CLMN: variants seen among roughly 807,000 people sequenced by gnomAD.
The protein encoded by CLMN is calmin.
A neutral mutation model predicts 92.7 loss-of-function variants in CLMN; 57 were observed. That is an observed-to-expected ratio of 0.61 (90% CI 0.50 to 0.77). The LOEUF (loss-of-function observed/expected upper bound fraction) is 0.77. Ranked by LOEUF, CLMN falls within the 30% of genes least tolerant of loss-of-function variation. CLMN has a pLI of 0.00. For synonymous variants in CLMN, 466 were observed against 470.6 expected (o/e 0.99, Z 0.13); for missense variants, 1,158 against 1,237.5 (o/e 0.94, Z 0.96).
intron 1 of CLMN, among the ~76,000 whole-genome samples, chr14:95,297,645 A>C (rs961600279): frequency 6.6e-6 from 1 of 152,180 alleles, no homozygotes; most frequent in African/African-American, 2.4e-5. Context: ...TCTTCCACGT[A>C]GTAGAAGGGT....
chr14:95,249,376 C>T (rs1898694568), intron 1 of CLMN, among the ~76,000 whole-genome samples: 1 of 152,162 alleles, frequency 6.6e-6, no homozygotes, highest in Non-Finnish European at 1.5e-5. Context: ...CAGTCCTGCC[C>T]GATCCTGGAC....
intron 1 of CLMN, among the ~76,000 whole-genome samples, chr14:95,254,750 T>G (rs1278055412): frequency 6.6e-6 from 1 of 152,138 alleles, no homozygotes; most frequent in Non-Finnish European, 1.5e-5. Flanking sequence ...CAGGCTGGAG[T>G]GCAGTGGTGC....
intron 1 of CLMN, among the ~76,000 whole-genome samples, chr14:95,291,911 G>GA (rs998234121): frequency 1.3e-5 from 2 of 151,684 alleles, no homozygotes; most frequent in African/African-American, 2.4e-5. Flanking sequence ...AACACAAAGT[G>GA]AAAAAAAATA....
intron 1 of CLMN, among the ~76,000 whole-genome samples, chr14:95,243,025 CAA>C (rs1898317358): frequency 6.6e-6 from 1 of 152,158 alleles, no homozygotes; most frequent in Non-Finnish European, 1.5e-5. Context: ...CATATAGAGT[CAA>C]GTCATCATCA....
At chr14:95,197,137 T>A (rs367875316) in intron 9 of CLMN, among the ~76,000 whole-genome samples, 1 of 152,120 alleles carries the variant, frequency 6.6e-6, no homozygotes, top group Non-Finnish European at 1.5e-5. Context: ...TGGTCCCAAC[T>A]ACTCGGGAGG....
chr14:95,252,276 G>A (rs1014684135), intron 1 of CLMN, among the ~76,000 whole-genome samples: 1 of 152,198 alleles, frequency 6.6e-6, no homozygotes, highest in Non-Finnish European at 1.5e-5. Context: ...TGAGAGGGTG[G>A]GAAAGCTGCT....
chr14:95,210,255 T>C (rs887984043), intron 7 of CLMN, among the ~76,000 whole-genome samples: 3 of 152,028 alleles, frequency 2.0e-5, no homozygotes, highest in Admixed American at 6.6e-5. Context: ...TTTCACCATG[T>C]TGGCCAGGCT....
intron 1 of CLMN, among the ~76,000 whole-genome samples, chr14:95,242,250 CTTTTTT>C (rs371417505): frequency 1.1e-5 from 1 of 92,584 alleles, no homozygotes; most frequent in African/African-American, 3.5e-5. Flanking sequence ...TTTTCTTTTT[CTTTTTT>C]TTTTTTTTTT....
chr14:95,275,277 C>A (rs1899881452), intron 1 of CLMN, among the ~76,000 whole-genome samples: 1 of 152,126 alleles, frequency 6.6e-6, no homozygotes, highest in Non-Finnish European at 1.5e-5. Context: ...AGACAGGAGG[C>A]CGGTGCAAGA....
rs1454197221 is a variant in CLMN, at chr14:95,183,129, G to A, written c.*8435C>T. On this transcript the variant is annotated 3_prime_UTR_variant, in exon 13 of 13. Transcript: ENST00000298912. Reference sequence around the variant, plus strand: ...AAGAAGTCTTCCCACTTCCAACCCAGAGAGGTAAATTCAAGGCATCTGCAG... The same window carrying A: ...AAGAAGTCTTCCCACTTCCAACCCAAAGAGGTAAATTCAAGGCATCTGCAG... 6.6e-6 allele frequency: 1 copy of A among 152,228 alleles called. No individual in the cohort carries two copies. Among genetic ancestry groups the A allele is most frequent in the Non-Finnish European group, 1.5e-5 (1 of 68,046 alleles). 9.4% of individuals were successfully genotyped at this position (152,228 alleles called of 1,614,324 possible).
intron 1 of CLMN, among the ~76,000 whole-genome samples, chr14:95,231,815 T>C (rs1897898301): frequency 2.0e-5 from 3 of 152,166 alleles, no homozygotes; most frequent in African/African-American, 7.2e-5. Context: ...GTGTCTGCAA[T>C]AGTCATAACA....
intron 1 of CLMN, among the ~76,000 whole-genome samples, chr14:95,237,502 G>A (rs909548747): frequency 6.6e-6 from 1 of 152,242 alleles, no homozygotes; most frequent in African/African-American, 2.4e-5. Flanking sequence ...CCACTGGGAG[G>A]ATCATTTGAG....
rs893319998 is a variant in CLMN at position 95,187,206 on chromosome 14, A to G, written c.*4358T>C. On this transcript the variant is annotated 3_prime_UTR_variant, in exon 13 of 13. Transcript: ENST00000298912. Reference sequence around the variant, plus strand: ...CCTAAGCAACCTGTGAGATAACTCAAATGGGGTTTATGGATCAAGATGGTA... The same window carrying G: ...CCTAAGCAACCTGTGAGATAACTCAGATGGGGTTTATGGATCAAGATGGTA... The G allele has an allele frequency of 6.6e-6, 1 of 152,246 alleles. No individual in the cohort carries two copies. The highest frequency in any genetic ancestry group is 2.4e-5 in the African/African-American group (1 of 41,446). 9.4% of individuals were successfully genotyped at this position (152,246 alleles called of 1,614,324 possible). A position where few individuals can be genotyped will look rare whatever the true frequency, so the allele number is the denominator to read the frequency against.
chr14:95,295,657 T>G (rs1229564741), intron 1 of CLMN, among the ~76,000 whole-genome samples: 3 of 152,028 alleles, frequency 2.0e-5, no homozygotes, highest in Admixed American at 2.0e-4. Context: ...AACAAAGGGG[T>G]GGGAGAGGCC....
intron 1 of CLMN, among the ~76,000 whole-genome samples, chr14:95,245,326 C>G (rs1456870661): frequency 3.2e-5 from 3 of 94,452 alleles, no homozygotes; most frequent in African/African-American, 5.7e-5. Context: ...GGTAAGCTAC[C>G]TCAAATGTCC....
intron 1 of CLMN, among the ~76,000 whole-genome samples, chr14:95,306,990 T>G (rs935779104): frequency 6.6e-6 from 1 of 152,104 alleles, no homozygotes; most frequent in African/African-American, 2.4e-5. Context: ...TAAAAAACAA[T>G]GCAAGCCATA....
chr14:95,231,540 C>T lies in CLMN; in HGVS notation c.83-1407G>A, dbSNP rs112339625. Among the ~76,000 whole-genome samples the T allele has an allele frequency of 7.8e-3, 1,195 of 152,272 alleles. 21 individuals carry two copies. The highest frequency in any genetic ancestry group is 0.027 in the African/African-American group (1,134 of 41,556). On this transcript the variant is annotated intron_variant, in intron 1 of 12. Coordinates refer to ENST00000298912, the MANE Select transcript of CLMN (RefSeq NM_024734.4). Reference sequence around the variant, plus strand: ...GAGCTTGAAAACATCCCCCTCAGCACCCTGTCCATGGAAAAATTTTCTTCC... The same window carrying T: ...GAGCTTGAAAACATCCCCCTCAGCATCCTGTCCATGGAAAAATTTTCTTCC...
intron 1 of CLMN, among the ~76,000 whole-genome samples, chr14:95,251,163 C>T (rs1362981758): frequency 6.6e-6 from 1 of 152,064 alleles, no homozygotes; most frequent in Non-Finnish European, 1.5e-5. Flanking sequence ...GGGTGGGTGT[C>T]GCAGGGCCAA....
rs1215380634 is a variant in CLMN, at chr14:95,294,536, C to T, written c.82+25175G>A. 6.6e-6 allele frequency among the ~76,000 whole-genome samples: 1 copy of T among 152,236 alleles called. No homozygotes were observed. Among genetic ancestry groups the T allele is most frequent in the East Asian group, 1.9e-4 (1 of 5,200 alleles). On this transcript the variant is annotated intron_variant, in intron 1 of 12. Transcript: ENST00000298912. This position sits in a 1 kb window ranked among gnomAD's most constrained non-coding sequence, Gnocchi z 4.2. ...GCATCCACATTCCGGCTCCCCCTCC[C>T]TCACCTGTCCCTTCCGAGTCACATG...
Sources: allele counts gnomAD v4.1 joint callset (sites outside exome capture counted in the v4.1 genomes callset), GRCh38; gene constraint gnomAD v4.1.1; non-coding constraint Gnocchi (gnomAD v3.1); transcripts MANE v1.5; gene names NCBI Gene and HGNC (gene_info 2026-07-23, HGNC 2026-07-21).